Variants in CAB39L observed in about 807,000 individuals in gnomAD.
The protein encoded by CAB39L is calcium-binding protein 39-like.
In CAB39L, 23 loss-of-function variants were observed where a neutral mutation model predicts 39.1. That is an observed-to-expected ratio of 0.59 (90% CI 0.42 to 0.83). CAB39L has a LOEUF of 0.83. CAB39L is among the 40% of genes least tolerant of loss of function. CAB39L has a pLI of 0.00. For synonymous variants in CAB39L, 126 were observed against 137.2 expected (o/e 0.92, Z 0.57); for missense variants, 366 against 391.9 (o/e 0.93, Z 0.56).
chr13:49,442,973 C>G (rs1957566759), intron 1 of CAB39L, among the ~76,000 whole-genome samples: 1 of 150,034 alleles, frequency 6.7e-6, no homozygotes, highest in Non-Finnish European at 1.5e-5. Flanking sequence ...TCATGCAAGT[C>G]AAACTGCTAA....
At chr13:49,386,440 C>T (rs1473025794) in intron 3 of CAB39L, among the ~76,000 whole-genome samples, 1 of 152,038 alleles carries the variant, frequency 6.6e-6, no homozygotes, top group Non-Finnish European at 1.5e-5. Context: ...AACACAATCC[C>T]TGTTCTTTGA....
rs1186122464 is a variant in CAB39L at position 49,309,219 on chromosome 13, G to C, written c.*1595C>G. The C allele has an allele frequency of 2.0e-5, 3 of 152,238 alleles. No homozygotes were observed. The highest frequency in any genetic ancestry group is 7.2e-5 in the African/African-American group (3 of 41,462). The allele number at this position is 152,238 out of a possible 1,614,324, so 9.4% of individuals were successfully genotyped here. On this transcript the variant is annotated 3_prime_UTR_variant, in exon 11 of 11. Transcript: ENST00000409308. The stretch of plus-strand genomic sequence containing the variant: ...CCGGCCGGCCTCCTGCAAGGGCACT[G>C]GCCAGGGAGGCCACAGCTGCCAAAG...
intron 3 of CAB39L, among the ~76,000 whole-genome samples, chr13:49,427,688 C>A (rs1957264406): frequency 6.6e-6 from 1 of 151,006 alleles, no homozygotes; most frequent in Non-Finnish European, 1.5e-5. Flanking sequence ...GACCCTAGCT[C>A]AAAAAAAAAT....
intron 5 of CAB39L, among the ~76,000 whole-genome samples, chr13:49,363,441 G>A (rs983956828): frequency 1.3e-5 from 2 of 151,760 alleles, no homozygotes; most frequent in Admixed American, 1.3e-4. Flanking sequence ...TAAAACAATG[G>A]GCTATAAGAT....
chr13:49,357,914 C>T (rs1033023644), intron 6 of CAB39L, among the ~76,000 whole-genome samples: 1 of 152,216 alleles, frequency 6.6e-6, no homozygotes, highest in Non-Finnish European at 1.5e-5. Context: ...CTGACTCACA[C>T]AGAACTCTAG....
chr13:49,419,033 T>G (rs540151904), intron 3 of CAB39L, among the ~76,000 whole-genome samples: 67 of 152,290 alleles, frequency 4.4e-4, no homozygotes, highest in African/African-American at 1.5e-3. Context: ...AGTGGTGCGA[T>G]CTCGGCTCAC....
chr13:49,337,196 T>C (rs182945585), intron 9 of CAB39L, among the ~76,000 whole-genome samples: 112 of 152,342 alleles, frequency 7.4e-4, no homozygotes, highest in African/African-American at 2.5e-3. Flanking sequence ...GCAAATGCAT[T>C]GTTCTATGAA....
At chr13:49,325,791 A>AAAATAAAT (rs71734881) in intron 10 of CAB39L, among the ~76,000 whole-genome samples, 25 of 152,040 alleles carry the variant, frequency 1.6e-4, no homozygotes, top group African/African-American at 5.1e-4. Flanking sequence ...TTCCATCTCA[A>AAAATAAAT]AAATAAATAC....
chr13:49,434,469 T>C (rs1003251647), intron 1 of CAB39L, among the ~76,000 whole-genome samples: 1 of 152,230 alleles, frequency 6.6e-6, no homozygotes. Flanking sequence ...CTGTGTAATT[T>C]TATGCTTCAT....
intron 10 of CAB39L, among the ~76,000 whole-genome samples, chr13:49,313,982 T>A (rs1485052208): frequency 6.6e-6 from 1 of 152,076 alleles, no homozygotes; most frequent in East Asian, 1.9e-4. Context: ...GAGGCTCCCA[T>A]CCCAGGAGGT....
At chr13:49,427,672 G>T (rs914122526) in intron 3 of CAB39L, among the ~76,000 whole-genome samples, 4 of 152,110 alleles carry the variant, frequency 2.6e-5, no homozygotes, top group African/African-American at 9.7e-5. Context: ...CTGGGCAACA[G>T]AGCAAGACCC....
chr13:49,427,550 G>A (rs1226727078), intron 3 of CAB39L, among the ~76,000 whole-genome samples: 3 of 152,076 alleles, frequency 2.0e-5, no homozygotes, highest in Non-Finnish European at 4.4e-5. Context: ...TTAGCTGGGC[G>A]TGGTGGTGCA....
intron 3 of CAB39L, among the ~76,000 whole-genome samples, chr13:49,407,667 T>C (rs1219265772): frequency 6.6e-6 from 1 of 151,820 alleles, no homozygotes; most frequent in Non-Finnish European, 1.5e-5. Flanking sequence ...ACTTTATTGG[T>C]TTTACAGTTA....
At chr13:49,332,153 C>G (rs554687697) in intron 9 of CAB39L, 63 bp from the exon 10 acceptor site, 33 of 1,554,040 alleles carry the variant, frequency 2.1e-5, no homozygotes, top group Non-Finnish European at 2.8e-5. Context: ...ATATAGCTCA[C>G]GTCTTCTCAC....
intron 7 of CAB39L, 64 bp downstream of exon 7, chr13:49,350,680 A>C: frequency 1.6e-6 from 2 of 1,237,550 alleles, no homozygotes; most frequent in Non-Finnish European, 2.2e-6. Flanking sequence ...TTTAAAATTA[A>C]ATTGCCTCTT....
At chr13:49,384,724 CA>C (rs1165955236) in intron 3 of CAB39L, among the ~76,000 whole-genome samples, 1 of 152,062 alleles carries the variant, frequency 6.6e-6, no homozygotes, top group Non-Finnish European at 1.5e-5. Context: ...GGCATGAAAA[CA>C]ACATTAACCT....
rs760916040 is a variant in CAB39L at position 49,344,227 on chromosome 13, G to C, written c.576C>G (p.Thr192=). 2 of 1,591,790 alleles carry C rather than the reference G, an allele frequency of 1.3e-6. No homozygotes were observed. Among genetic ancestry groups the C allele is most frequent in the Non-Finnish European group, 1.7e-6 (2 of 1,160,762 alleles). Residue 192 remains threonine (T), a synonymous_variant, in exon 8 of 11, where the codon ACC becomes ACG. Transcript: ENST00000409308. ...AGTCTGCTACCAACACTTTATGTCT[G>C]GTTAGTAAATCCTAGAAAAAGAAAA... is the stretch of plus-strand genomic sequence containing the variant. ...DAFATFKDLL[T]RHKVLVADFL...
intron 3 of CAB39L, among the ~76,000 whole-genome samples, chr13:49,411,267 G>A (rs1181900484): frequency 6.6e-6 from 1 of 151,676 alleles, no homozygotes; most frequent in Admixed American, 6.6e-5. Context: ...AATATCAGCT[G>A]GGCATGGCGG....
chr13:49,442,813 A>AC (rs1957560677), intron 1 of CAB39L, among the ~76,000 whole-genome samples: 2 of 149,274 alleles, frequency 1.3e-5, no homozygotes, highest in Non-Finnish European at 3.0e-5. Context: ...AAAAAAAAAA[A>AC]AAAAAACATC....
Sources: gnomAD v4.1 joint callset for allele counts (sites outside exome capture counted in the v4.1 genomes callset) on GRCh38, gnomAD v4.1.1 for gene constraint, MANE v1.5 for transcripts, NCBI Gene and HGNC (gene_info 2026-07-23, HGNC 2026-07-21) for gene names.